The following EIF4G3 variants were observed in gnomAD, a reference collection of about 807,000 sequenced individuals.
EIF4G3 encodes eIF-4-gamma 3.
In EIF4G3, 34 loss-of-function variants were observed where a neutral mutation model predicts 186.4. The observed-to-expected ratio is 0.18, with a 90% CI of 0.14 to 0.24. EIF4G3 has a LOEUF of 0.24. EIF4G3 is among the 10% of genes least tolerant of loss of function. The pLI is 1.00. For synonymous variants in EIF4G3, 673 were observed against 679.5 expected, an observed-to-expected ratio of 0.99 and a Z score of 0.15; for missense variants, 1,536 against 1,948.5, an observed-to-expected ratio of 0.79 and a Z score of 3.99.
chr1:21,001,912 A>G (rs185699034), intron 5 of EIF4G3, among the ~76,000 whole-genome samples: 11 of 152,352 alleles, frequency 7.2e-5, no homozygotes, highest in Non-Finnish European at 1.3e-4. Context: ...AGGCAGGGGC[A>G]GGGAACAAAA....
At chr1:20,896,794 A>G (rs1158108418) in intron 16 of EIF4G3, among the ~76,000 whole-genome samples, 1 of 152,206 alleles carries the variant, frequency 6.6e-6, no homozygotes, top group Non-Finnish European at 1.5e-5. Flanking sequence ...TAGTATTTTT[A>G]CTATACCTTT....
At chr1:20,839,345 T>A (rs953377146) in intron 30 of EIF4G3, among the ~76,000 whole-genome samples, 11 of 152,102 alleles carry the variant, frequency 7.2e-5, no homozygotes, top group Non-Finnish European at 1.5e-5. Context: ...ACTCCTGACC[T>A]CGTGATCTGC....
intron 34 of EIF4G3, among the ~76,000 whole-genome samples, chr1:20,816,861 A>G (rs1417706279): frequency 1.9e-5 from 2 of 102,848 alleles, no homozygotes; most frequent in African/African-American, 6.8e-5. Flanking sequence ...TGTAGAAAGA[A>G]GTAGACATGG....
rs1441913736 is a variant in EIF4G3 at position 20,841,068 on chromosome 1, A to G, written c.3889-40T>C. 7 of 1,604,668 alleles carry G rather than the reference A, an allele frequency of 4.4e-6. No homozygotes were observed. The East Asian group carries it at 1.6e-4, about 36-fold the overall frequency. On this transcript the variant is annotated intron_variant, in intron 29 of 36. Transcript: ENST00000602326. ...AAGAAAGGTTTACTCCAAAATCTGA[A>G]TAGTGTTACCAGAATGTTAAGATAA...
chr1:20,839,121 G>A (rs1381447579), intron 30 of EIF4G3, among the ~76,000 whole-genome samples: 2 of 152,172 alleles, frequency 1.3e-5, no homozygotes, highest in Non-Finnish European at 2.9e-5. Flanking sequence ...GGGATTACAG[G>A]TGCGTGCCAC....
chr1:20,971,212 C>G (rs546751604), intron 11 of EIF4G3, among the ~76,000 whole-genome samples: 1 of 152,234 alleles, frequency 6.6e-6, no homozygotes, highest in East Asian at 1.9e-4. Context: ...TACCACCATA[C>G]CTTAATCAAG....
intron 2 of EIF4G3, among the ~76,000 whole-genome samples, chr1:21,115,762 G>T (rs944611628): frequency 6.6e-6 from 1 of 152,112 alleles, no homozygotes; most frequent in Non-Finnish European, 1.5e-5. Context: ...TTGTTGCCCA[G>T]GCAGGATGCA....
chr1:20,946,344 T>C (rs1370563495), intron 13 of EIF4G3, among the ~76,000 whole-genome samples: 1 of 152,230 alleles, frequency 6.6e-6, no homozygotes, highest in African/African-American at 2.4e-5. Context: ...ATGGATTTAA[T>C]GTTCTTTCTC....
chr1:21,036,867 G>A (rs2093250216), intron 4 of EIF4G3, among the ~76,000 whole-genome samples: 1 of 152,088 alleles, frequency 6.6e-6, no homozygotes, highest in African/African-American at 2.4e-5. Flanking sequence ...GAGACAGAGT[G>A]AGACTCCACC....
In EIF4G3 at chr1:21,018,591, T is replaced by C. The variant is rs144757434; in HGVS notation, c.-66-15783A>G. Among the ~76,000 whole-genome samples, 124 of 151,908 alleles carry C rather than the reference T, an allele frequency of 8.2e-4. 1 individual carries two copies. The East Asian group carries it at 0.017, about 21-fold the overall frequency. On this transcript the variant is annotated intron_variant, in intron 4 of 36. Coordinates refer to ENST00000602326, the MANE Select transcript of EIF4G3 (RefSeq NM_001391906.1). ...AAAAAAAAAAATTAAGGTGGTACTATGGTTGAATACTGACCCCTCCAAATC... is the reference window on the plus strand; with the variant it reads ...AAAAAAAAAAATTAAGGTGGTACTACGGTTGAATACTGACCCCTCCAAATC...
At chr1:20,984,427 A>G (rs1463579097) in intron 7 of EIF4G3, among the ~76,000 whole-genome samples, 3 of 151,672 alleles carry the variant, frequency 2.0e-5, no homozygotes, top group African/African-American at 7.3e-5. Context: ...GCCTCCCCCA[A>G]AGTGCTGGGA....
intron 3 of EIF4G3, among the ~76,000 whole-genome samples, chr1:21,077,401 GAA>G (rs751211348): frequency 4.1e-5 from 4 of 98,748 alleles, no homozygotes; most frequent in African/African-American, 3.6e-5. Context: ...GCCCTGTCTA[GAA>G]AAAAAAAAAA....
chr1:21,172,964 C>A (rs2103085378), intron 2 of EIF4G3, among the ~76,000 whole-genome samples: 1 of 150,438 alleles, frequency 6.6e-6, no homozygotes, highest in East Asian at 2.1e-4. Context: ...CACAGTGAAA[C>A]CCCGTCTCTA....
At chr1:20,830,977 A>G (rs936760864) in intron 30 of EIF4G3, among the ~76,000 whole-genome samples, 1 of 152,220 alleles carries the variant, frequency 6.6e-6, no homozygotes, top group Non-Finnish European at 1.5e-5. Context: ...TACATAGCCT[A>G]TATTAATGCT....
intron 16 of EIF4G3, among the ~76,000 whole-genome samples, chr1:20,898,416 A>C (rs2089133081): frequency 6.6e-6 from 1 of 152,212 alleles, no homozygotes; most frequent in Non-Finnish European, 1.5e-5. Context: ...CTCTGACTAC[A>C]ACTCACAGTA....
At chr1:20,907,871 T>C (rs2154557715) in intron 14 of EIF4G3, among the ~76,000 whole-genome samples, 1 of 152,294 alleles carries the variant, frequency 6.6e-6, no homozygotes, top group African/African-American at 2.4e-5. Flanking sequence ...CATGTGTCTT[T>C]ATAGCAGCAT....
intron 2 of EIF4G3, among the ~76,000 whole-genome samples, chr1:21,132,493 G>C (rs1345788860): frequency 6.6e-6 from 1 of 152,160 alleles, no homozygotes; most frequent in East Asian, 1.9e-4. Context: ...ACCCAGGCTA[G>C]AGTGCAGTGG....
Position 21,148,886 on chromosome 1 carries a change from A to G in EIF4G3, c.-272+27289T>C, listed in dbSNP as rs116521009. Reference sequence around the variant, plus strand: ...TTTCAGTAAATTGTGGCACAGTCATATATCTAATACTATAAAGCCATTAAA... The same window carrying G: ...TTTCAGTAAATTGTGGCACAGTCATGTATCTAATACTATAAAGCCATTAAA... On this transcript the variant is annotated intron_variant, in intron 2 of 36. Transcript: ENST00000602326. Among the ~76,000 whole-genome samples the G allele has an allele frequency of 5.5e-3, 835 of 152,086 alleles. 8 individuals are homozygous for G. Among genetic ancestry groups the G allele is most frequent in the African/African-American group, 0.019 (804 of 41,488 alleles).
intron 2 of EIF4G3, among the ~76,000 whole-genome samples, chr1:21,164,534 G>A (rs2097823337): frequency 1.3e-5 from 2 of 152,108 alleles, no homozygotes; most frequent in South Asian, 4.1e-4. Flanking sequence ...TGAGACACGA[G>A]TGGGCAACAC....
Sources: gnomAD v4.1 joint callset for allele counts (sites outside exome capture counted in the v4.1 genomes callset) on GRCh38, gnomAD v4.1.1 for gene constraint, MANE v1.5 for transcripts, NCBI Gene and HGNC (gene_info 2026-07-23, HGNC 2026-07-21) for gene names.